Variants in LRP2 observed in about 807,000 individuals in gnomAD.
LRP2 encodes LDL receptor related protein 2.
LRP2 carries 172 observed loss-of-function variants against 531.0 expected under a neutral mutation model. The ratio of observed to expected loss-of-function variants is 0.32; its 90% CI spans 0.29 to 0.37. LRP2 has a LOEUF of 0.37. Ranked by LOEUF, LRP2 falls within the 10% of genes least tolerant of loss-of-function variation. The pLI is 1.00. For synonymous variants in LRP2, 1,992 were observed against 2,027.6 expected (o/e 0.98, Z 0.47); for missense variants, 5,167 against 5,868.3 (o/e 0.88, Z 3.90).
At chr2:169,267,731 C>T (rs558699606) in intron 16 of LRP2, among the ~76,000 whole-genome samples, 10 of 152,160 alleles carry the variant, frequency 6.6e-5, no homozygotes, top group Admixed American at 2.0e-4. Context: ...CAAAAGCTAA[C>T]GGAAGGCAAG....
At chr2:169,270,803 A>AAT in intron 16 of LRP2, 101 bp downstream of exon 16, 16 of 546,874 alleles carry the variant, frequency 2.9e-5, no homozygotes, top group Non-Finnish European at 4.6e-5. Context: ...AGACTGCTTA[A>AAT]AAATTAGATA....
At chr2:169,351,900 A>G (rs1685861709) in intron 1 of LRP2, among the ~76,000 whole-genome samples, 1 of 152,202 alleles carries the variant, frequency 6.6e-6, no homozygotes, top group Non-Finnish European at 1.5e-5. Flanking sequence ...AAGTGAAATT[A>G]ATGATGGCCA....
chr2:169,264,972 A>T (rs893336424), intron 16 of LRP2, among the ~76,000 whole-genome samples: 7 of 152,006 alleles, frequency 4.6e-5, no homozygotes, highest in Admixed American at 4.6e-4. Flanking sequence ...TTATAGGAAT[A>T]CTGAAAGGGC....
At chr2:169,185,415 G>C (rs748955825) in intron 50 of LRP2, 88 bp downstream of exon 50, 176 of 1,374,346 alleles carry the variant, frequency 1.3e-4, no homozygotes, top group Non-Finnish European at 1.7e-4. Flanking sequence ...ATTAACCCAA[G>C]TTGAAAAATT....
chr2:169,290,199 G>GTGCATGGCCAACTCAGTT (rs1346501062), intron 8 of LRP2, among the ~76,000 whole-genome samples: 2 of 146,508 alleles, frequency 1.4e-5, no homozygotes, highest in Non-Finnish European at 3.0e-5. Context: ...GAACAACACT[G>GTGCATGGCCAACTCAGTT]TGCATGGCCA....
chr2:169,339,947 C>A (rs1464061733), intron 1 of LRP2, among the ~76,000 whole-genome samples: 1 of 152,082 alleles, frequency 6.6e-6, no homozygotes, highest in East Asian at 1.9e-4. Context: ...ACCTCAAAAG[C>A]ACAAACTTAT....
At position 169,289,155 on chromosome 2, in the gene LRP2, G is replaced by A. The variant is rs747340282; in HGVS notation, c.923-10C>T. 1.2e-6 allele frequency: 2 copies of A among 1,613,912 alleles called. No homozygotes were observed. Among genetic ancestry groups the A allele is most frequent in the South Asian group, 2.2e-5 (2 of 91,070 alleles). On this transcript the variant is annotated splice_polypyrimidine_tract_variant and intron_variant, in intron 8 of 78. Transcript: ENST00000649046. ...GAGCACAGAGTCATACCTAAACGAA[G>A]AAAAGAACTTTGTTAAATGAATGGT...
At position 169,238,103 on chromosome 2, in the gene LRP2, C is replaced by A. The variant is rs1287160156; in HGVS notation, c.4494G>T (p.Thr1498=). The change falls in exon 27 of 79, where the codon ACG becomes ACT. Residue 1498 remains threonine (T), a synonymous_variant. Coordinates refer to ENST00000649046, the MANE Select transcript of LRP2 (RefSeq NM_004525.3). ...GAAATGTACTTACCACTCTTCTGTCCGTTCCATTTTGAAACGCACTCCAGG... is the reference window on the plus strand; with the variant it reads ...GAAATGTACTTACCACTCTTCTGTCAGTTCCATTTTGAAACGCACTCCAGG... ...GKTWSAFQNG[T]DRRVVFDSSI... is the part of the protein sequence containing the mutation. The A allele has an allele frequency of 3.7e-6, 6 of 1,613,786 alleles. No homozygotes were observed. Among genetic ancestry groups the A allele is most frequent in the Non-Finnish European group, 5.1e-6 (6 of 1,179,840 alleles).
chr2:169,173,299 T>G, intron 56 of LRP2, 75 bp from the exon 57 acceptor site: 1 of 1,572,946 alleles, frequency 6.4e-7, no homozygotes, highest in Non-Finnish European at 8.7e-7. Context: ...ATTGAGGTTG[T>G]GGTACTGAGG....
rs115213184 is a variant in LRP2, at chr2:169,203,764, A to C, written c.8005+218T>G. 0.014 allele frequency among the ~76,000 whole-genome samples: 2,123 copies of C among 152,318 alleles called. 14 individuals are homozygous for C. Among genetic ancestry groups the C allele is most frequent in the Middle Eastern group, 0.041 (12 of 294 alleles). On this transcript the variant is annotated intron_variant, in intron 42 of 78. Transcript: ENST00000649046. ...AGAGTGAGACTCCGTCTCAAAAATA[A>C]AATAAAAGAAAATGCTTTCATAAAA...
intron 1 of LRP2, among the ~76,000 whole-genome samples, chr2:169,329,334 G>A (rs545527900): frequency 6.6e-6 from 1 of 152,270 alleles, no homozygotes; most frequent in Non-Finnish European, 1.5e-5. Context: ...CTTGAGGCCA[G>A]GAGTTCAAGA....
At chr2:169,291,558 G>T (rs767221118) in intron 7 of LRP2, among the ~76,000 whole-genome samples, 1 of 152,182 alleles carries the variant, frequency 6.6e-6, no homozygotes, top group Non-Finnish European at 1.5e-5. Flanking sequence ...ATGGGTATTA[G>T]TAACTGCTAA....
At chr2:169,312,777 G>C (rs887515437) in intron 3 of LRP2, among the ~76,000 whole-genome samples, 1 of 152,140 alleles carries the variant, frequency 6.6e-6, no homozygotes, top group African/African-American at 2.4e-5. Flanking sequence ...AAGTTCTCCC[G>C]GATAATATCC....
At chr2:169,248,248 A>T (rs934579453) in intron 19 of LRP2, among the ~76,000 whole-genome samples, 2 of 148,876 alleles carry the variant, frequency 1.3e-5, no homozygotes, top group Non-Finnish European at 2.9e-5. Context: ...GAAAATAAAC[A>T]TATATTTTTA....
chr2:169,202,712 A>C, intron 43 of LRP2, 44 bp downstream of exon 43: 1 of 1,585,036 alleles, frequency 6.3e-7, no homozygotes. Flanking sequence ...CTTGACATCA[A>C]GATGCCATTA....
chr2:169,193,950 G>C (rs1315106878), intron 46 of LRP2, 58 bp from the exon 47 acceptor site: 2 of 1,604,382 alleles, frequency 1.2e-6, no homozygotes, highest in Non-Finnish European at 1.7e-6. Context: ...CAGGAATCTG[G>C]AGACAAGCTG....
intron 3 of LRP2, among the ~76,000 whole-genome samples, chr2:169,314,845 C>T (rs1321239343): frequency 6.6e-6 from 1 of 152,142 alleles, no homozygotes; most frequent in Non-Finnish European, 1.5e-5. Flanking sequence ...ATTAATACTT[C>T]CTCATTAAAT....
chr2:169,177,882 T>C lies in LRP2; in HGVS notation c.10314A>G (p.Gly3438=), dbSNP rs368626587. 20 of 1,614,122 alleles carry C rather than the reference T, an allele frequency of 1.2e-5. No individual in the cohort carries two copies. The African/African-American group carries it at 2.4e-4, about 19-fold the overall frequency. Residue 3438 remains glycine (G), a synonymous_variant, in exon 53 of 79, where the codon GGA becomes GGG. Coordinates refer to ENST00000649046, the MANE Select transcript of LRP2 (RefSeq NM_004525.3). ...TGTTCACCAGTGTCTGTCTATTTGATCCATCATATTTGTTTCCCTTTTCCA... is the reference window on the plus strand; with the variant it reads ...TGTTCACCAGTGTCTGTCTATTTGACCCATCATATTTGTTTCCCTTTTCCA... ...RTVEKGNKYD[G]SNRQTLVNTT... is the part of the protein sequence containing the mutation.
chr2:169,211,452 C>A (rs2105339849), intron 37 of LRP2, among the ~76,000 whole-genome samples: 1 of 152,288 alleles, frequency 6.6e-6, no homozygotes. Context: ...ACTGTGAACT[C>A]TTTTGCTTCA....
Sources: allele counts gnomAD v4.1 joint callset (sites outside exome capture counted in the v4.1 genomes callset), GRCh38; gene constraint gnomAD v4.1.1; transcripts MANE v1.5; gene names NCBI Gene and HGNC (gene_info 2026-07-23, HGNC 2026-07-21).